Variants in FAF1 observed in about 807,000 individuals in gnomAD.
FAF1 encodes the protein FAS-associated factor 1.
In FAF1, 25 loss-of-function variants were observed where a neutral mutation model predicts 92.5. That is an observed-to-expected ratio of 0.27 (90% CI 0.20 to 0.38). FAF1 has a LOEUF of 0.38. FAF1 is among the 10% of genes least tolerant of loss of function. The pLI, the probability that FAF1 is intolerant of heterozygous loss-of-function variation, is 1.00. For missense variants in FAF1, 636 were observed against 793.3 expected, an observed-to-expected ratio of 0.80 and a Z score of 2.38; for synonymous variants, 234 against 273.2, an observed-to-expected ratio of 0.86 and a Z score of 1.42.
At chr1:50,793,956 T>A (rs1186917972) in intron 3 of FAF1, among the ~76,000 whole-genome samples, 1 of 152,228 alleles carries the variant, frequency 6.6e-6, no homozygotes, top group Admixed American at 6.5e-5. Flanking sequence ...CTGGAACATT[T>A]TGGATATCAG....
rs12094733 is a variant in FAF1, at chr1:50,824,430, G to A, written c.115-22753C>T. Among the ~76,000 whole-genome samples, 628 of 151,814 alleles carry A rather than the reference G, an allele frequency of 4.1e-3. 6 individuals are homozygous for A. Among genetic ancestry groups the A allele is most frequent in the African/African-American group, 0.013 (557 of 41,416 alleles). On this transcript the variant is annotated intron_variant, in intron 2 of 18. Transcript: ENST00000396153. ...TATAATAATGTTAATCCTTTTTCTC[G>A]CCTATATTTCTTCTTTGCATCAACC...
In FAF1 at chr1:50,598,062, G is replaced by C. The variant is rs78375373; in HGVS notation, c.745-1846C>G. The stretch of plus-strand genomic sequence containing the variant: ...TAATTCCAGCACTTTGCAAGGCTGA[G>C]TCAGGAGGATAGCCTGAGCTCAGGA... On this transcript the variant is annotated intron_variant, in intron 8 of 18. Transcript: ENST00000396153. Among the ~76,000 whole-genome samples the C allele has an allele frequency of 2.9e-3, 436 of 152,276 alleles. 1 individual carries two copies. Among genetic ancestry groups the C allele is most frequent in the Non-Finnish European group, 4.7e-3 (322 of 68,020 alleles).
intron 1 of FAF1, among the ~76,000 whole-genome samples, chr1:50,889,258 CTTCT>C (rs1256658118): frequency 3.2e-4 from 48 of 151,752 alleles, no homozygotes; most frequent in African/African-American, 1.1e-3. Context: ...TCTCTCTTTT[CTTCT>C]TTATTAGTCT....
intron 7 of FAF1, among the ~76,000 whole-genome samples, chr1:50,669,896 C>A (rs1408252778): frequency 6.6e-6 from 1 of 152,070 alleles, no homozygotes; most frequent in Non-Finnish European, 1.5e-5. Context: ...CCAAGGCGGG[C>A]GGATCACTTG....
chr1:50,886,335 C>T lies in FAF1; in HGVS notation c.46-28338G>A, dbSNP rs145816188. On this transcript the variant is annotated intron_variant, in intron 1 of 18. Coordinates refer to ENST00000396153, the MANE Select transcript of FAF1 (RefSeq NM_007051.3). ...TCTCCTCATGTTTGAAGGATATTTT[C>T]ACTGAATATTTTATATTATTCCAGG... Among the ~76,000 whole-genome samples, 672 of 152,252 alleles carry T rather than the reference C, an allele frequency of 4.4e-3. 8 individuals are homozygous for T. Among genetic ancestry groups the T allele is most frequent in the African/African-American group, 0.015 (608 of 41,548 alleles).
intron 8 of FAF1, among the ~76,000 whole-genome samples, chr1:50,627,197 T>G (rs931065527): frequency 6.6e-6 from 1 of 152,106 alleles, no homozygotes; most frequent in Admixed American, 6.5e-5. Flanking sequence ...AAATTGTAGA[T>G]ATGATAAAGA....
chr1:50,584,864 C>T, intron 9 of FAF1, 53 bp from the exon 10 acceptor site: 1 of 1,536,470 alleles, frequency 6.5e-7, no homozygotes, highest in Non-Finnish European at 9.0e-7. Flanking sequence ...CTATCAAATT[C>T]TAAGAATAAG....
At chr1:50,903,311 C>G (rs759951726) in intron 1 of FAF1, among the ~76,000 whole-genome samples, 1 of 152,134 alleles carries the variant, frequency 6.6e-6, no homozygotes, top group Non-Finnish European at 1.5e-5. Context: ...GAGTTACTTA[C>G]CTGTGTTTTC....
chr1:50,714,994 T>TAA (rs199878187), intron 6 of FAF1: 14 of 425,766 alleles, frequency 3.3e-5, no homozygotes, highest in Admixed American at 5.7e-5. Flanking sequence ...AGATATAAAG[T>TAA]AAAAAAAAAC....
chr1:50,545,914 G>C (rs1648992590), intron 13 of FAF1, among the ~76,000 whole-genome samples: 1 of 152,208 alleles, frequency 6.6e-6, no homozygotes, highest in Admixed American at 6.5e-5. Flanking sequence ...AGTAATCCCA[G>C]CACTTTGGGA....
chr1:50,646,780 G>A (rs1017583742), intron 8 of FAF1, among the ~76,000 whole-genome samples: 1 of 152,120 alleles, frequency 6.6e-6, no homozygotes, highest in Non-Finnish European at 1.5e-5. Flanking sequence ...AACTTTAAGG[G>A]CCAGCACAGT....
At chr1:50,818,331 G>A (rs748100545) in intron 2 of FAF1, among the ~76,000 whole-genome samples, 22 of 152,104 alleles carry the variant, frequency 1.4e-4, no homozygotes, top group Non-Finnish European at 3.1e-4. Context: ...AAACAGCATG[G>A]CAGTTTCATA....
At chr1:50,796,857 A>G (rs1661769960) in intron 3 of FAF1, among the ~76,000 whole-genome samples, 1 of 152,060 alleles carries the variant, frequency 6.6e-6, no homozygotes, top group African/African-American at 2.4e-5. Context: ...AGACCAGGTG[A>G]GGTGGCTCAC....
At chr1:50,521,430 T>C (rs942631974) in intron 15 of FAF1, among the ~76,000 whole-genome samples, 4 of 152,172 alleles carry the variant, frequency 2.6e-5, no homozygotes, top group African/African-American at 9.7e-5. Context: ...AAAGAATCTG[T>C]ATAAGAAGAA....
intron 17 of FAF1, among the ~76,000 whole-genome samples, chr1:50,483,249 T>C (rs1646723701): frequency 6.6e-6 from 1 of 152,166 alleles, no homozygotes; most frequent in Non-Finnish European, 1.5e-5. Context: ...GCATCATGTG[T>C]TGAAAAGACT....
rs61258960 is a variant in FAF1 at position 50,497,540 on chromosome 1, C to CTTTTT, written c.1495-5744_1495-5740dup. On this transcript the variant is annotated intron_variant, in intron 15 of 18. Coordinates refer to ENST00000396153, the MANE Select transcript of FAF1 (RefSeq NM_007051.3). ...TTAATAGACTTTATTATTCAAAACT[C>CTTTTT]TTTTTTTTTTTTTTTTTTTTTTTTT... Among the ~76,000 whole-genome samples, 14 of 100,510 alleles carry CTTTTT rather than the reference C, an allele frequency of 1.4e-4. 1 individual carries two copies. Among genetic ancestry groups the CTTTTT allele is most frequent in the East Asian group, 8.8e-4 (3 of 3,402 alleles). The allele number at this position is 100,510 out of a possible 152,430, so 65.9% of individuals were successfully genotyped here.
At chr1:50,511,558 C>T (rs1244442291) in intron 15 of FAF1, among the ~76,000 whole-genome samples, 2 of 152,068 alleles carry the variant, frequency 1.3e-5, no homozygotes, top group Non-Finnish European at 2.9e-5. Flanking sequence ...TCATCCATGC[C>T]CCTGAAAAGG....
chr1:50,652,455 TA>T (rs1253214581), intron 8 of FAF1, among the ~76,000 whole-genome samples: 1 of 152,230 alleles, frequency 6.6e-6, no homozygotes, highest in African/African-American at 2.4e-5. Context: ...TTGTACCTGA[TA>T]AGCCAATTTC....
At chr1:50,788,626 C>T (rs1661447714) in intron 3 of FAF1, among the ~76,000 whole-genome samples, 1 of 152,076 alleles carries the variant, frequency 6.6e-6, no homozygotes, top group Non-Finnish European at 1.5e-5. Context: ...AACCTCAATT[C>T]TCCCCAATTC....
Sources: allele counts gnomAD v4.1 joint callset (sites outside exome capture counted in the v4.1 genomes callset), GRCh38; gene constraint gnomAD v4.1.1; transcripts MANE v1.5; gene names NCBI Gene and HGNC (gene_info 2026-07-23, HGNC 2026-07-21).